The following INTS6 variants were observed in gnomAD, a reference collection of about 807,000 sequenced individuals.
The protein encoded by INTS6 is DEAD box protein.
Under a neutral mutation model 104.9 loss-of-function variants are expected in INTS6, and 16 were observed. The observed-to-expected ratio is 0.15, with a 90% CI of 0.10 to 0.23. The LOEUF is 0.23. Ranked by LOEUF, INTS6 falls within the 10% of genes least tolerant of loss-of-function variation. INTS6 has a pLI of 1.00. For synonymous variants in INTS6, 324 were observed against 358.7 expected, an observed-to-expected ratio of 0.90 and a Z score of 1.09; for missense variants, 584 against 1,062.8, an observed-to-expected ratio of 0.55 and a Z score of 6.26.
At chr13:51,352,331 T>C (rs1462350044), downstream of INTS6, among the ~76,000 whole-genome samples, 1 of 152,146 alleles carries the variant, frequency 6.6e-6, no homozygotes, top group East Asian at 1.9e-4. Context: ...ACTTCTTTCA[T>C]TAAATTTATT....
chr13:51,431,622 T>G (rs1299907718), intron 3 of INTS6, among the ~76,000 whole-genome samples: 1 of 152,184 alleles, frequency 6.6e-6, no homozygotes, highest in Non-Finnish European at 1.5e-5. Flanking sequence ...GTTATATGAT[T>G]ATAACCTAAT....
intron 7 of INTS6, among the ~76,000 whole-genome samples, chr13:51,386,763 A>G (rs1956146434): frequency 6.6e-6 from 1 of 151,650 alleles, no homozygotes; most frequent in Admixed American, 6.6e-5. Flanking sequence ...AGATACTTAG[A>G]AAAAAAATAT....
downstream of INTS6, among the ~76,000 whole-genome samples, chr13:51,357,370 A>C (rs1337071327): frequency 6.6e-6 from 1 of 152,134 alleles, no homozygotes; most frequent in Non-Finnish European, 1.5e-5. Context: ...TCATTTACTT[A>C]TAGTATGACA....
In INTS6 at chr13:51,368,874, T is replaced by C. The variant is rs1955743461; in HGVS notation, c.2476+65A>G. Reference sequence around the variant, plus strand: ...TTTACTACAGTTACTTGACTTTTTTTTTCTTTTTTGCTTTTTGAGCACATA... The same window carrying C: ...TTTACTACAGTTACTTGACTTTTTTCTTCTTTTTTGCTTTTTGAGCACATA... On this transcript the variant is annotated intron_variant, in intron 16 of 17. Coordinates refer to ENST00000311234, the MANE Select transcript of INTS6 (RefSeq NM_012141.3). 4 of 1,489,472 alleles carry C rather than the reference T, an allele frequency of 2.7e-6. No homozygotes were observed. The East Asian group carries it at 9.1e-5, about 34-fold the overall frequency. 92.3% of individuals were successfully genotyped at this position (1,489,472 alleles called of 1,614,324 possible). A position where few individuals can be genotyped will look rare whatever the true frequency, so the allele number is the denominator to read the frequency against.
At chr13:51,356,852 G>A (rs1955489157), downstream of INTS6, among the ~76,000 whole-genome samples, 2 of 151,586 alleles carry the variant, frequency 1.3e-5, no homozygotes, top group Admixed American at 6.6e-5. Flanking sequence ...TAGGCAGGCA[G>A]ATCTGGCTTA....
At chr13:51,345,552 G>A in the INTS6 span, among the ~76,000 whole-genome samples, 3,014 of 131,448 alleles carry the variant, frequency 0.023, 52 homozygotes, top group Non-Finnish European at 0.032. Context: ...CTGAGACTGC[G>A]TCACTGCACT....
intron 3 of INTS6, chr13:51,436,377 A>G (rs900359413): frequency 2.0e-5 from 3 of 152,208 alleles, no homozygotes; most frequent in African/African-American, 7.2e-5. Context: ...ATTCCACAGT[A>G]TAAGAAATAT....
chr13:51,392,288 C>T (rs911170519), intron 5 of INTS6, among the ~76,000 whole-genome samples: 3 of 152,252 alleles, frequency 2.0e-5, no homozygotes, highest in South Asian at 2.1e-4. Flanking sequence ...AATATTTGGC[C>T]TCTGCCTACC....
intron 4 of INTS6, among the ~76,000 whole-genome samples, chr13:51,417,008 C>T (rs1472892186): frequency 2.0e-5 from 3 of 152,154 alleles, no homozygotes; most frequent in African/African-American, 4.8e-5. Context: ...ACTTACTAGC[C>T]ATTTATGTAT....
At chr13:51,390,561 C>T (rs1956228362) in intron 5 of INTS6, among the ~76,000 whole-genome samples, 4 of 151,974 alleles carry the variant, frequency 2.6e-5, no homozygotes. Context: ...TTGTAATAAG[C>T]TCAATATGAT....
intron 3 of INTS6, chr13:51,442,966 G>A (rs1952825571): frequency 6.6e-6 from 1 of 152,162 alleles, no homozygotes; most frequent in Non-Finnish European, 1.5e-5. Flanking sequence ...AATGTTACAA[G>A]AAAGACTAAA....
chr13:51,376,787 G>C (rs768802980), intron 12 of INTS6, among the ~76,000 whole-genome samples: 3 of 152,142 alleles, frequency 2.0e-5, no homozygotes, highest in African/African-American at 4.8e-5. Flanking sequence ...TCATGTATCA[G>C]TAGTTTGTTC....
Position 51,364,575 on chromosome 13 carries a change from A to G in INTS6, c.*1177T>C. The G allele has an allele frequency of 3.5e-6, 1 of 283,510 alleles. No individual in the cohort carries two copies. The highest frequency in any genetic ancestry group is 6.5e-6 in the Non-Finnish European group (1 of 153,832). The allele number at this position is 283,510 out of a possible 1,614,324, so 17.6% of individuals were successfully genotyped here. Reference sequence around the variant, plus strand: ...AGTCAGGCCATAAGATTGCTTCCTCAGTACGGATACTCTAGGCCATGTTGA... The same window carrying G: ...AGTCAGGCCATAAGATTGCTTCCTCGGTACGGATACTCTAGGCCATGTTGA... On this transcript the variant is annotated 3_prime_UTR_variant, in exon 18 of 18. Coordinates refer to ENST00000311234, the MANE Select transcript of INTS6 (RefSeq NM_012141.3).
intron 3 of INTS6, chr13:51,445,393 T>C (rs1427775741): frequency 6.6e-6 from 1 of 152,212 alleles, no homozygotes; most frequent in African/African-American, 2.4e-5. Context: ...TAATCAGCTT[T>C]GAAGATTTTT....
At chr13:51,450,518 A>C (rs1953016579) in intron 3 of INTS6, 50 of 984,724 alleles carry the variant, frequency 5.1e-5, no homozygotes, top group Non-Finnish European at 5.8e-5. Flanking sequence ...TTCAAAAGAA[A>C]ACTTAAATGT....
At chr13:51,431,842 T>C (rs1459735654) in intron 3 of INTS6, among the ~76,000 whole-genome samples, 4 of 152,184 alleles carry the variant, frequency 2.6e-5, no homozygotes, top group East Asian at 1.9e-4. Flanking sequence ...CACAGGAGTC[T>C]TGCAGGGAGA....
At chr13:51,355,127 C>T in intron 3 of INTS6, 2 of 1,529,642 alleles carry the variant, frequency 1.3e-6, no homozygotes, top group Middle Eastern at 1.7e-4. Flanking sequence ...TCAAAGCTAA[C>T]TTGAAAGGAA....
chr13:51,365,827 T>C lies in INTS6; in HGVS notation c.2589A>G (p.Leu863=), dbSNP rs751645889. The C allele has an allele frequency of 6.2e-7, 1 of 1,600,656 alleles. No homozygotes were observed. Among genetic ancestry groups the C allele is most frequent in the African/African-American group, 1.3e-5 (1 of 74,496 alleles). Residue 863 remains leucine, a synonymous_variant, in exon 18 of 18, where the codon CTA becomes CTG. Transcript: ENST00000311234. The part of the protein sequence containing the change: ...KEASRFKKRM[L]IEQLENFLDE... ...CCAAGAAGTTCTCCAGTTGTTCTATTAGCATTCGTTTTTTAAACCTGTATG... is the reference window on the plus strand; with the variant it reads ...CCAAGAAGTTCTCCAGTTGTTCTATCAGCATTCGTTTTTTAAACCTGTATG...
chr13:51,347,212 C>T, the INTS6 span: 6 of 1,613,842 alleles, frequency 3.7e-6, no homozygotes, highest in Admixed American at 1.7e-5. Flanking sequence ...CCATGATGCA[C>T]CAAACGACCG....
Sources: gnomAD v4.1 joint callset for allele counts (sites outside exome capture counted in the v4.1 genomes callset) on GRCh38, gnomAD v4.1.1 for gene constraint, MANE v1.5 for transcripts, NCBI Gene and HGNC (gene_info 2026-07-23, HGNC 2026-07-21) for gene names.